The following ERBB4 variants were observed in gnomAD, a reference collection of about 807,000 sequenced individuals.
ERBB4 encodes the protein erb-b2 receptor tyrosine kinase 4.
ERBB4 carries 42 observed loss-of-function variants against 158.0 expected under a neutral mutation model. The observed-to-expected ratio is 0.27, with a 90% CI of 0.21 to 0.34. ERBB4 has a LOEUF of 0.34. Among genes scored for constraint, ERBB4 ranks in the 10% least tolerant of loss-of-function variants. ERBB4 has a pLI of 1.00. For missense variants in ERBB4, 1,333 were observed against 1,624.1 expected, an observed-to-expected ratio of 0.82 and a Z score of 3.08; for synonymous variants, 583 against 558.7, an observed-to-expected ratio of 1.04 and a Z score of -0.61.
At chr2:211,510,281 G>C (rs547701515) in intron 20 of ERBB4, among the ~76,000 whole-genome samples, 1 of 152,192 alleles carries the variant, frequency 6.6e-6, no homozygotes, top group South Asian at 2.1e-4. Context: ...TGCACATAAA[G>C]ATGGAAATAA....
At chr2:212,464,335 T>A (rs1380709554) in intron 1 of ERBB4, among the ~76,000 whole-genome samples, 1 of 152,148 alleles carries the variant, frequency 6.6e-6, no homozygotes, top group African/African-American at 2.4e-5. Flanking sequence ...AGCTCTCTTT[T>A]TTATGGGTAA....
intron 1 of ERBB4, among the ~76,000 whole-genome samples, chr2:212,231,678 G>C (rs1226515007): frequency 6.6e-6 from 1 of 152,072 alleles, no homozygotes; most frequent in Non-Finnish European, 1.5e-5. Context: ...ACAAAAATTA[G>C]GATAGATAAG....
intron 3 of ERBB4, among the ~76,000 whole-genome samples, chr2:211,843,676 T>C (rs2077526824): frequency 7.6e-6 from 1 of 131,172 alleles, no homozygotes; most frequent in South Asian, 2.7e-4. Context: ...TGTTCCCTTT[T>C]AATGATATGT....
chr2:211,588,667 C>G (rs771958196), intron 19 of ERBB4, among the ~76,000 whole-genome samples: 1 of 152,062 alleles, frequency 6.6e-6, no homozygotes, highest in Non-Finnish European at 1.5e-5. Flanking sequence ...TAACTTGACC[C>G]AGGCCACTTA....
chr2:211,647,348 T>G (rs968969835), intron 16 of ERBB4, among the ~76,000 whole-genome samples: 9 of 151,718 alleles, frequency 5.9e-5, no homozygotes, highest in Non-Finnish European at 1.0e-4. Flanking sequence ...TATTTCCCAG[T>G]CTCTCTCTCT....
chr2:211,704,994 A>G (rs948428316), intron 10 of ERBB4, among the ~76,000 whole-genome samples: 5 of 151,964 alleles, frequency 3.3e-5, no homozygotes, highest in African/African-American at 7.3e-5. Flanking sequence ...GTCTCACTCT[A>G]TTGCCAGGCT....
chr2:211,803,971 G>A (rs2076556961), intron 3 of ERBB4, among the ~76,000 whole-genome samples: 1 of 152,198 alleles, frequency 6.6e-6, no homozygotes, highest in Non-Finnish European at 1.5e-5. Flanking sequence ...AATTCCATAA[G>A]ACTTCTTCAT....
At chr2:212,382,598 T>C (rs1424116432) in intron 1 of ERBB4, among the ~76,000 whole-genome samples, 1 of 151,048 alleles carries the variant, frequency 6.6e-6, no homozygotes, top group Non-Finnish European at 1.5e-5. Context: ...TCCTCAGGAA[T>C]GATTCATGAA....
At chr2:212,086,137 A>G (rs964157528) in intron 2 of ERBB4, among the ~76,000 whole-genome samples, 18 of 152,004 alleles carry the variant, frequency 1.2e-4, no homozygotes, top group African/African-American at 3.4e-4. Flanking sequence ...AACTGGGGGG[A>G]AAAGTTAGTT....
chr2:211,726,043 C>A (rs1440543129), intron 5 of ERBB4, among the ~76,000 whole-genome samples: 1 of 152,122 alleles, frequency 6.6e-6, no homozygotes, highest in Non-Finnish European at 1.5e-5. Context: ...TTCTGCTTAT[C>A]TCACTTATTC....
At chr2:211,887,361 A>T (rs547067588) in intron 3 of ERBB4, among the ~76,000 whole-genome samples, 5 of 152,174 alleles carry the variant, frequency 3.3e-5, no homozygotes, top group African/African-American at 1.2e-4. Context: ...ACATTGAATA[A>T]TTGTATTTTA....
intron 16 of ERBB4, among the ~76,000 whole-genome samples, chr2:211,653,161 CA>C (rs2105887912): frequency 6.6e-6 from 1 of 152,096 alleles, no homozygotes; most frequent in East Asian, 1.9e-4. Context: ...GAAAAACCAC[CA>C]AAGGCAAATA....
At chr2:211,429,225 T>G (rs754884719) in intron 21 of ERBB4, among the ~76,000 whole-genome samples, 25 of 152,090 alleles carry the variant, frequency 1.6e-4, no homozygotes, top group Non-Finnish European at 2.4e-4. Flanking sequence ...ATACTTTCAG[T>G]TATCCCTTTT....
intron 2 of ERBB4, among the ~76,000 whole-genome samples, chr2:211,970,641 T>C (rs2081426322): frequency 6.6e-6 from 1 of 152,180 alleles, no homozygotes; most frequent in Non-Finnish European, 1.5e-5. Flanking sequence ...ACCTTCTTTG[T>C]CTTTTTTTGA....
rs2079539481 is a variant in ERBB4, at chr2:211,911,459, T to C, written c.421+35971A>G. On this transcript the variant is annotated intron_variant, in intron 3 of 27. Coordinates refer to ENST00000342788, the MANE Select transcript of ERBB4 (RefSeq NM_005235.3). ...TGTTAAATTTTTAGTAGAGATGGAGTCTCCCTAAGTTGCCCAGGCTGGTCT... is the reference window on the plus strand; with the variant it reads ...TGTTAAATTTTTAGTAGAGATGGAGCCTCCCTAAGTTGCCCAGGCTGGTCT... Among the ~76,000 whole-genome samples the C allele has an allele frequency of 4.0e-5, 6 of 151,862 alleles. No individual in the cohort carries two copies. The South Asian group carries it at 1.2e-3, about 32-fold the overall frequency.
intron 20 of ERBB4, among the ~76,000 whole-genome samples, chr2:211,493,509 A>G (rs762329248): frequency 3.9e-5 from 6 of 151,994 alleles, no homozygotes; most frequent in Admixed American, 1.3e-4. Flanking sequence ...AGCAAAAGTT[A>G]TTTGGGATTC....
At chr2:211,525,521 C>A (rs907897226) in intron 20 of ERBB4, among the ~76,000 whole-genome samples, 1 of 152,124 alleles carries the variant, frequency 6.6e-6, no homozygotes, top group Non-Finnish European at 1.5e-5. Flanking sequence ...AGCCCTTGGG[C>A]CCTGAATAAC....
At chr2:212,190,189 T>C (rs1299906326) in intron 1 of ERBB4, among the ~76,000 whole-genome samples, 1 of 152,188 alleles carries the variant, frequency 6.6e-6, no homozygotes, top group Non-Finnish European at 1.5e-5. Flanking sequence ...GTCAGCATTA[T>C]CACTAGAGAG....
At chr2:211,424,012 A>G in intron 23 of ERBB4, 143 bp downstream of exon 23, 1 of 792,806 alleles carries the variant, frequency 1.3e-6, no homozygotes, top group East Asian at 2.6e-5. Context: ...TAGTCACAAC[A>G]AAGAGGCGTT....
Sources: allele counts gnomAD v4.1 joint callset (sites outside exome capture counted in the v4.1 genomes callset), GRCh38; gene constraint gnomAD v4.1.1; transcripts MANE v1.5; gene names NCBI Gene and HGNC (gene_info 2026-07-23, HGNC 2026-07-21).